Variants in NOL10 observed in about 807,000 individuals in gnomAD.
The protein encoded by NOL10 is nucleolar protein 10.
In NOL10, 58 loss-of-function variants were observed where a neutral mutation model predicts 103.5. That is an observed-to-expected ratio of 0.56 (90% CI 0.45 to 0.70). NOL10 has a LOEUF of 0.70. Ranked by LOEUF, NOL10 falls within the 30% of genes least tolerant of loss-of-function variation. NOL10 has a pLI of 0.00. For synonymous variants in NOL10, 287 were observed against 282.5 expected, an observed-to-expected ratio of 1.02 and a Z score of -0.16; for missense variants, 763 against 807.3, an observed-to-expected ratio of 0.95 and a Z score of 0.67.
At chr2:10,605,875 G>C (rs868073722) in intron 14 of NOL10, among the ~76,000 whole-genome samples, 29 of 152,214 alleles carry the variant, frequency 1.9e-4, no homozygotes, top group African/African-American at 7.0e-4. Context: ...GATTAACTGT[G>C]CTATGAGATA....
At position 10,639,249 on chromosome 2, in the gene NOL10, C is replaced by T. The variant is rs573611381; in HGVS notation, c.1026+5071G>A. Among the ~76,000 whole-genome samples, 79 of 152,194 alleles carry T rather than the reference C, an allele frequency of 5.2e-4. No homozygotes were observed. The Middle Eastern group carries it at 0.01, about 20-fold the overall frequency. ...TATCCTGGCTAACACAGTGAAATCC[C>T]GTCTCTACTAAAAATACAAAAAATT... On this transcript the variant is annotated intron_variant, in intron 13 of 20. Transcript: ENST00000381685.
In NOL10 at chr2:10,602,752, T is replaced by C. The variant is rs1021897038; in HGVS notation, c.1332+24A>G. 4 of 1,367,764 alleles carry C rather than the reference T, an allele frequency of 2.9e-6. No homozygotes were observed. In the African/African-American group the frequency reaches 4.4e-5, roughly 15 times the overall value. 84.7% of individuals were successfully genotyped at this position (1,367,764 alleles called of 1,614,324 possible). On this transcript the variant is annotated intron_variant, in intron 16 of 20. Transcript: ENST00000381685. ...AAATTAAGTACTCTTCTCTGATAAA[T>C]TCAATGGTAAGTATAATATTTACCT...
intron 13 of NOL10, among the ~76,000 whole-genome samples, chr2:10,615,337 A>C (rs566437424): frequency 3.9e-5 from 6 of 152,366 alleles, no homozygotes; most frequent in African/African-American, 1.4e-4. Flanking sequence ...AAGAAAAATA[A>C]GGCCAAGTTA....
At chr2:10,684,433 G>T (rs1682004748) in intron 2 of NOL10, 134 bp downstream of exon 2, 1 of 701,610 alleles carries the variant, frequency 1.4e-6, no homozygotes, top group African/African-American at 1.8e-5. Flanking sequence ...AAAAAGAAAA[G>T]GGACAAGAGC....
chr2:10,645,944 TACACACACAC>T (rs57494359), intron 12 of NOL10, among the ~76,000 whole-genome samples: 1 of 147,592 alleles, frequency 6.8e-6, no homozygotes, highest in Non-Finnish European at 1.5e-5. Flanking sequence ...CACACACACA[TACACACACAC>T]ACACACACAC....
chr2:10,636,420 CAAAAAAAAA>C (rs70953327), intron 13 of NOL10, among the ~76,000 whole-genome samples: 2 of 54,696 alleles, frequency 3.7e-5, no homozygotes, highest in Non-Finnish European at 6.2e-5. Context: ...TACAAAAAAC[CAAAAAAAAA>C]AAAAAAAAAA....
At chr2:10,658,677 C>T (rs1442025032) in intron 10 of NOL10, among the ~76,000 whole-genome samples, 1 of 152,118 alleles carries the variant, frequency 6.6e-6, no homozygotes, top group Non-Finnish European at 1.5e-5. Flanking sequence ...AGTATTGAAA[C>T]CCACTGTCAA....
intron 1 of NOL10, 105 bp downstream of exon 1, chr2:10,689,691 A>G (rs1030066924): frequency 7.7e-6 from 9 of 1,161,594 alleles, no homozygotes; most frequent in Non-Finnish European, 9.9e-6. Flanking sequence ...GGGGGTGACC[A>G]GCGTCCAGCT....
chr2:10,608,591 A>G (rs1284769893), intron 13 of NOL10, among the ~76,000 whole-genome samples: 1 of 152,200 alleles, frequency 6.6e-6, no homozygotes, highest in Non-Finnish European at 1.5e-5. Flanking sequence ...TTTCAGTAGC[A>G]ATCAAGCATA....
chr2:10,649,489 T>C (rs990221431), intron 12 of NOL10, among the ~76,000 whole-genome samples: 11 of 151,810 alleles, frequency 7.2e-5, no homozygotes, highest in African/African-American at 2.7e-4. Flanking sequence ...CTCAGCTAAG[T>C]TTGTATTTTT....
chr2:10,663,773 C>A (rs1369282882), intron 8 of NOL10, among the ~76,000 whole-genome samples: 2 of 151,812 alleles, frequency 1.3e-5, no homozygotes, highest in African/African-American at 4.8e-5. Flanking sequence ...CACAGTGAAA[C>A]CCAGTCTCTA....
intron 13 of NOL10, among the ~76,000 whole-genome samples, 194 bp from the exon 14 acceptor site, chr2:10,607,505 G>A (rs1035086052): frequency 1.3e-5 from 2 of 152,062 alleles, no homozygotes; most frequent in Non-Finnish European, 2.9e-5. Flanking sequence ...AAATGTTTAG[G>A]CTTGTAAGAG....
chr2:10,644,482 A>G lies in NOL10; in HGVS notation c.974-110T>C. ...AGGAACTTCTGTTAGTCAGTGAACC[A>G]AAGTATAGTATTTCCCACAAAATGT... On this transcript the variant is annotated intron_variant, in intron 12 of 20. Coordinates refer to ENST00000381685, the MANE Select transcript of NOL10 (RefSeq NM_024894.4). 4 of 658,954 alleles carry G rather than the reference A, an allele frequency of 6.1e-6. No homozygotes were observed. In the Admixed American group the frequency reaches 1.6e-4, roughly 26 times the overall value. 40.8% of individuals were successfully genotyped at this position (658,954 alleles called of 1,614,324 possible).
chr2:10,582,624 G>C (rs1018428719), intron 19 of NOL10, among the ~76,000 whole-genome samples: 9 of 152,142 alleles, frequency 5.9e-5, no homozygotes, highest in Non-Finnish European at 1.2e-4. Context: ...TAACCAGAAT[G>C]ATGTCCCCTA....
At chr2:10,594,487 T>C (rs894651087) in intron 17 of NOL10, among the ~76,000 whole-genome samples, 22 of 152,102 alleles carry the variant, frequency 1.4e-4, no homozygotes, top group Non-Finnish European at 3.2e-4. Context: ...GGCAGAAAAT[T>C]CTAGAAGCAA....
chr2:10,602,786 ACT>A lies in NOL10; in HGVS notation c.1320_1321del (p.Arg440SerfsTer10). ...AAGTATAATATTTACCTTTAACTGG[ACT>A]CTCTGTGCACGTGTTTCTTCTATTT... On this transcript the variant is annotated frameshift_variant, in exon 16 of 21. Coordinates refer to ENST00000381685, the MANE Select transcript of NOL10 (RefSeq NM_024894.4). LOFTEE classifies it high-confidence loss of function. The A allele has an allele frequency of 1.3e-6, 2 of 1,585,066 alleles. No homozygotes were observed. The highest frequency in any genetic ancestry group is 8.6e-7 in the Non-Finnish European group (1 of 1,157,426).
intron 13 of NOL10, among the ~76,000 whole-genome samples, chr2:10,609,131 G>A (rs1676408800): frequency 6.6e-6 from 1 of 151,986 alleles, no homozygotes; most frequent in Non-Finnish European, 1.5e-5. Context: ...TCTCCCTGAA[G>A]AAGTTTAAAA....
chr2:10,632,333 G>T (rs1020326754), intron 13 of NOL10, among the ~76,000 whole-genome samples: 1 of 152,208 alleles, frequency 6.6e-6, no homozygotes, highest in Non-Finnish European at 1.5e-5. Context: ...CGAGCCATAT[G>T]GTCTCTGTCA....
rs769233955 is a variant in NOL10 at position 10,572,026 on chromosome 2, G to C, written c.*45C>G. The C allele has an allele frequency of 8.1e-6, 13 of 1,609,124 alleles. No individual in the cohort carries two copies. The highest frequency in any genetic ancestry group is 1.1e-5 in the Non-Finnish European group (13 of 1,177,226). On this transcript the variant is annotated 3_prime_UTR_variant, in exon 21 of 21. Coordinates refer to ENST00000381685, the MANE Select transcript of NOL10 (RefSeq NM_024894.4). ...AACACCCTAACGATGATCAGTTTGG[G>C]GGAGACGTACCCCTCCCTAATCACA...
Sources: allele counts gnomAD v4.1 joint callset (sites outside exome capture counted in the v4.1 genomes callset), GRCh38; gene constraint gnomAD v4.1.1; transcripts MANE v1.5; gene names NCBI Gene and HGNC (gene_info 2026-07-23, HGNC 2026-07-21).